Variants in BID observed in about 807,000 individuals in gnomAD.
BID encodes BH3 interacting domain death agonist.
Under a neutral mutation model 17.4 loss-of-function variants are expected in BID, and 19 were observed. The observed-to-expected ratio is 1.09, with a 90% CI of 0.76 to 1.60. The LOEUF (loss-of-function observed/expected upper bound fraction) is 1.60, where lower values mean the gene tolerates loss of function less well. Among genes scored for constraint, BID ranks in the 40% most tolerant of loss-of-function variants. The probability of loss-of-function intolerance (pLI) is 0.00; values close to 1 mark genes in which losing one functional copy is unlikely to be tolerated. For missense variants in BID, 226 were observed against 256.0 expected (o/e 0.88, Z 0.80); for synonymous variants, 108 against 102.8 (o/e 1.05, Z -0.31).
chr22:17,740,070 C>T, intron 3 of BID: 1 of 1,610,556 alleles, frequency 6.2e-7, no homozygotes, highest in Non-Finnish European at 8.5e-7. Flanking sequence ...CGTGCTGCCC[C>T]TGCCCGAGTA....
At chr22:17,774,051 C>G (rs2061741434) in intron 1 of BID, 1 of 354,310 alleles carries the variant, frequency 2.8e-6, no homozygotes, top group African/African-American at 2.2e-5. Context: ...TCCCCCTCCC[C>G]GCGCCCCGCA....
chr22:17,766,865 C>A (rs2061682760), intron 1 of BID, among the ~76,000 whole-genome samples: 1 of 151,604 alleles, frequency 6.6e-6, no homozygotes, highest in Non-Finnish European at 1.5e-5. Context: ...GCTGGGATTA[C>A]AGGCCTGAGC....
intron 1 of BID, among the ~76,000 whole-genome samples, chr22:17,763,710 C>CTTT (rs35220679): frequency 3.5e-5 from 5 of 141,966 alleles, no homozygotes; most frequent in African/African-American, 7.8e-5. Context: ...TGAAAACATA[C>CTTT]TTTTTTTTTT....
chr22:17,750,341 G>A (rs1039398875), intron 1 of BID, among the ~76,000 whole-genome samples, 167 bp from the exon 2 acceptor site: 5 of 152,200 alleles, frequency 3.3e-5, no homozygotes, highest in Non-Finnish European at 7.3e-5. Context: ...GCCAAGCTTT[G>A]TTTTCCTCAT....
In BID at chr22:17,769,910, G is replaced by A. The variant is rs555743801; in HGVS notation, c.-59+4471C>T. The stretch of plus-strand genomic sequence containing the variant: ...CAGGCTTGGGGGTGTGCACTTGCCC[G>A]CTGGCCTCCGGTGCCCTCAGGCCTA... On this transcript the variant is annotated intron_variant, in intron 1 of 5. Coordinates refer to ENST00000622694, the MANE Select transcript of BID (RefSeq NM_001196.4). The surrounding 1 kb of genome is among the most constrained non-coding windows in gnomAD (Gnocchi z 4.8). 3.0e-4 allele frequency among the ~76,000 whole-genome samples: 46 copies of A among 152,244 alleles called. No homozygotes were observed. The highest frequency in any genetic ancestry group is 1.1e-3 in the African/African-American group (46 of 41,526).
chr22:17,745,880 C>T (rs1443678434), intron 2 of BID, among the ~76,000 whole-genome samples: 1 of 151,938 alleles, frequency 6.6e-6, no homozygotes, highest in Non-Finnish European at 1.5e-5. Context: ...GCAGGAGAAT[C>T]GCTTGAACCC....
In BID at chr22:17,762,946, GC is replaced by G. The variant is rs531155490; in HGVS notation, c.-59+11434del. 4.1e-3 allele frequency among the ~76,000 whole-genome samples: 629 copies of G among 152,030 alleles called. 1 individual carries two copies. The highest frequency in any genetic ancestry group is 0.014 in the African/African-American group (597 of 41,416). ...GGCTGGAGTGCAATGGCGTGATCTT[GC>G]CTCATTACATCCTCCGCCTCCCAGG... On this transcript the variant is annotated intron_variant, in intron 1 of 5. Coordinates refer to ENST00000622694, the MANE Select transcript of BID (RefSeq NM_001196.4).
At position 17,735,176 on chromosome 22, in the gene BID, C is replaced by G. The variant is rs368957466; in HGVS notation, c.*404G>C. Reference sequence around the variant, plus strand: ...ATACTGCCTGCTGTAAGACCATCCTCTATGGTTGTACTTTAATAAACAGTA... The same window carrying G: ...ATACTGCCTGCTGTAAGACCATCCTGTATGGTTGTACTTTAATAAACAGTA... On this transcript the variant is annotated 3_prime_UTR_variant, in exon 6 of 6. Transcript: ENST00000622694. 1 of 198,680 alleles carries G rather than the reference C, an allele frequency of 5.0e-6. No individual in the cohort carries two copies. Among genetic ancestry groups the G allele is most frequent in the Non-Finnish European group, 1.0e-5 (1 of 95,694 alleles). The allele number at this position is 198,680 out of a possible 1,614,324, so 12.3% of individuals were successfully genotyped here.
Position 17,747,981 on chromosome 22 carries a change from C to T in BID, c.12+2124G>A, listed in dbSNP as rs367591964. ...ATCCCAGCACTATGGGAGGCCGAGG[C>T]GGGCAGATCGCGAGGTCAGGAGATC... On this transcript the variant is annotated intron_variant, in intron 2 of 5. Coordinates refer to ENST00000622694, the MANE Select transcript of BID (RefSeq NM_001196.4). 6.1e-3 allele frequency among the ~76,000 whole-genome samples: 930 copies of T among 151,402 alleles called. 9 individuals carry two copies. Among genetic ancestry groups the T allele is most frequent in the African/African-American group, 0.021 (873 of 40,958 alleles).
chr22:17,770,816 G>A (rs904451996), intron 1 of BID, among the ~76,000 whole-genome samples: 7 of 152,186 alleles, frequency 4.6e-5, no homozygotes, highest in Non-Finnish European at 1.0e-4. Flanking sequence ...CCCGGCGCCA[G>A]CATGGCTATG....
chr22:17,735,642 C>T, intron 5 of BID, 51 bp from the exon 6 acceptor site: 3 of 1,611,490 alleles, frequency 1.9e-6, no homozygotes, highest in Non-Finnish European at 1.7e-6. Flanking sequence ...CATTCACAAA[C>T]CAGGCTCCAG....
At chr22:17,754,838 C>G (rs902857068) in intron 1 of BID, among the ~76,000 whole-genome samples, 15 of 152,260 alleles carry the variant, frequency 9.9e-5, no homozygotes, top group African/African-American at 3.6e-4. Context: ...GGTCTTGGCT[C>G]ACTGCAACCT....
At chr22:17,739,631 A>G in intron 3 of BID, 143 bp from the exon 4 acceptor site, 2 of 1,132,230 alleles carry the variant, frequency 1.8e-6, no homozygotes, top group Non-Finnish European at 2.5e-6. Flanking sequence ...CCACTCCACC[A>G]GGGCCACAGC....
At chr22:17,758,951 G>A (rs2061613865) in intron 1 of BID, among the ~76,000 whole-genome samples, 1 of 152,108 alleles carries the variant, frequency 6.6e-6, no homozygotes. Context: ...GAGCCAGGTG[G>A]GCCAGGTGTG....
intron 5 of BID, among the ~76,000 whole-genome samples, chr22:17,736,835 AC>A (rs1314276123): frequency 6.7e-6 from 1 of 148,514 alleles, no homozygotes; most frequent in Non-Finnish European, 1.5e-5. Context: ...AGACAGTCTT[AC>A]CCCATCATCC....
Position 17,735,470 on chromosome 22 carries a change from G to A in BID, c.*110C>T. The A allele has an allele frequency of 7.7e-7, 1 of 1,296,684 alleles. No individual in the cohort carries two copies. Among genetic ancestry groups the A allele is most frequent in the South Asian group, 1.2e-5 (1 of 81,324 alleles). The allele number at this position is 1,296,684 out of a possible 1,614,324, so 80.3% of individuals were successfully genotyped here. ...AGAAGTCACAGCTATCTTCCAGCCT[G>A]TCTTCTCTAGGAACGCTGTTGACAT... On this transcript the variant is annotated 3_prime_UTR_variant, in exon 6 of 6. Coordinates refer to ENST00000622694, the MANE Select transcript of BID (RefSeq NM_001196.4).
intron 1 of BID, among the ~76,000 whole-genome samples, chr22:17,758,105 G>A (rs1041260331): frequency 2.6e-5 from 4 of 152,178 alleles, no homozygotes; most frequent in Non-Finnish European, 5.9e-5. Context: ...AAGGTAACGG[G>A]GTCCAGTCAT....
In BID at chr22:17,756,452, TTTCTTTCTTTCTTTCTTTCTTTCTTTTC is replaced by T. The variant is rs1569047733; in HGVS notation, c.-58-6306_-58-6279del. On this transcript the variant is annotated intron_variant, in intron 1 of 5. Coordinates refer to ENST00000622694, the MANE Select transcript of BID (RefSeq NM_001196.4). ...TCTTTCTTCTTTCTTTCTTTCTTTCTTTCTTTCTTTCTTTCTTTCTTTCTTTTCTTTCTTTCTTTCTTTCTCTCTCTCT... is the reference window on the plus strand; with the variant it reads ...TCTTTCTTCTTTCTTTCTTTCTTTCTTTTCTTTCTTTCTTTCTCTCTCTCT... 6.1e-3 allele frequency among the ~76,000 whole-genome samples: 710 copies of T among 117,252 alleles called. 1 individual carries two copies. The highest frequency in any genetic ancestry group is 7.4e-3 in the African/African-American group (192 of 25,958). 76.9% of individuals were successfully genotyped at this position (117,252 alleles called of 152,430 possible).
upstream of BID, chr22:17,774,634 C>T (rs2145930828): frequency 6.6e-6 from 1 of 151,736 alleles, no homozygotes; most frequent in African/African-American, 2.4e-5. Context: ...GGCTTTCCAC[C>T]CTTACCCCTT....
Sources: allele counts gnomAD v4.1 joint callset (sites outside exome capture counted in the v4.1 genomes callset), GRCh38; gene constraint gnomAD v4.1.1; non-coding constraint Gnocchi (gnomAD v3.1); transcripts MANE v1.5; gene names NCBI Gene and HGNC (gene_info 2026-07-23, HGNC 2026-07-21).